The following HERC2 variants were observed in gnomAD, a reference collection of about 807,000 sequenced individuals.
HERC2 encodes E3 ubiquitin-protein ligase HERC2.
HERC2 carries 102 observed loss-of-function variants against 537.7 expected under a neutral mutation model. That is an observed-to-expected ratio of 0.19 (90% CI 0.16 to 0.22). The LOEUF (loss-of-function observed/expected upper bound fraction) is 0.22. Among genes scored for constraint, HERC2 ranks in the 10% least tolerant of loss-of-function variants. HERC2 has a pLI of 1.00. For missense variants in HERC2, 4,236 were observed against 6,198.2 expected (o/e 0.68, Z 10.63); for synonymous variants, 2,224 against 2,466.2 (o/e 0.90, Z 2.91).
intron 7 of HERC2, among the ~76,000 whole-genome samples, chr15:28,273,471 G>A (rs2075793693): frequency 6.6e-6 from 1 of 152,134 alleles, no homozygotes; most frequent in Non-Finnish European, 1.5e-5. Context: ...ACTTTTCTAT[G>A]TTACTCAATA....
intron 55 of HERC2, chr15:28,190,170 G>A (rs1235238841): frequency 2.0e-5 from 3 of 147,544 alleles, no homozygotes; most frequent in Non-Finnish European, 4.5e-5. Flanking sequence ...CACTACGCCC[G>A]GCTAATTTTT....
chr15:28,227,623 G>A (rs1452353854), intron 35 of HERC2, among the ~76,000 whole-genome samples: 1 of 152,110 alleles, frequency 6.6e-6, no homozygotes, highest in Non-Finnish European at 1.5e-5. Flanking sequence ...TGTACCATAT[G>A]ACCCTGTAAT....
chr15:28,313,923 C>T (rs989468436), intron 2 of HERC2, among the ~76,000 whole-genome samples: 1 of 152,102 alleles, frequency 6.6e-6, no homozygotes, highest in African/African-American at 2.4e-5. Context: ...AGGGCCCTCA[C>T]ACAGGAGAAA....
intron 49 of HERC2, 25 bp from the exon 50 acceptor site, chr15:28,198,528 T>C (rs544336629): frequency 6.2e-7 from 1 of 1,611,518 alleles, no homozygotes; most frequent in African/African-American, 1.3e-5. Flanking sequence ...AACAAATCAT[T>C]ATAATCAATA....
rs534196033 is a variant in HERC2, at chr15:28,173,182, G to A, written c.10057+1213C>T. Among the ~76,000 whole-genome samples the A allele has an allele frequency of 8.0e-4, 122 of 152,252 alleles. 1 individual carries two copies. Among genetic ancestry groups the A allele is most frequent in the African/African-American group, 2.7e-3 (113 of 41,550 alleles). ...ATGTAGCGATCTTAAGAAGCTAGACGTACACCTGCCATATGATCCATCCAC... is the reference window on the plus strand; with the variant it reads ...ATGTAGCGATCTTAAGAAGCTAGACATACACCTGCCATATGATCCATCCAC... On this transcript the variant is annotated intron_variant, in intron 65 of 92. Coordinates refer to ENST00000261609, the MANE Select transcript of HERC2 (RefSeq NM_004667.6).
intron 5 of HERC2, among the ~76,000 whole-genome samples, chr15:28,275,274 T>A (rs1235943070): frequency 2.0e-5 from 3 of 152,138 alleles, no homozygotes; most frequent in Admixed American, 6.5e-5. Context: ...CCTCCCAAAG[T>A]GAGATTCTAC....
Position 28,142,359 on chromosome 15 carries a change from T to C in HERC2, c.11579A>G (p.Asp3860Gly). ...LVALACDLEL[D>G]TLPCCAETHK... ...CGTCTCGGCACAGCAAGGCAGAGTG[T>C]CCAGCTCCAGGTCACAAGCAAGAGC... is the stretch of plus-strand genomic sequence containing the variant. The change falls in exon 76 of 93, where the codon GAC (aspartate) becomes GGC (glycine). Residue 3860 changes from aspartate (D) to glycine (G), a missense_variant. Asp to Gly is a moderately conservative substitution (Grantham distance 94). Around this residue, in one of 27 missense-constraint regions of HERC2, gnomAD observed 156 missense variants for 172.3 expected, o/e 0.91. Coordinates refer to ENST00000261609, the MANE Select transcript of HERC2 (RefSeq NM_004667.6). The C allele has an allele frequency of 6.2e-7, 1 of 1,613,900 alleles. No individual in the cohort carries two copies. The highest frequency in any genetic ancestry group is 8.5e-7 in the Non-Finnish European group (1 of 1,179,920).
In HERC2 at chr15:28,135,657, T is replaced by C. The variant is rs1261514859; in HGVS notation, c.12051A>G (p.Leu4017=). ...YATGYGAGGR[L]GIGGTESVST... ...ACACCGACTCTGTCCCTCCAATGCCTAGTCTGCCACCTGCACCATACCCAG... is the reference window on the plus strand; with the variant it reads ...ACACCGACTCTGTCCCTCCAATGCCCAGTCTGCCACCTGCACCATACCCAG... Residue 4017 remains leucine (L), a synonymous_variant, in exon 79 of 93, where the codon CTA becomes CTG. Coordinates refer to ENST00000261609, the MANE Select transcript of HERC2 (RefSeq NM_004667.6). 1 of 1,614,100 alleles carries C rather than the reference T, an allele frequency of 6.2e-7. No individual in the cohort carries two copies. Among genetic ancestry groups the C allele is most frequent in the South Asian group, 1.1e-5 (1 of 91,084 alleles).
Position 28,260,138 on chromosome 15 carries a change from G to A in HERC2, c.2316+639C>T, listed in dbSNP as rs139294698. On this transcript the variant is annotated intron_variant, in intron 16 of 92. Transcript: ENST00000261609. ...GCAGATCGCTAGAGCTCAGGAGTTC[G>A]AGACCAGCCTGGGCAACATAGTGAA... 3.6e-3 allele frequency among the ~76,000 whole-genome samples: 544 copies of A among 150,906 alleles called. 8 individuals are homozygous for A. The highest frequency in any genetic ancestry group is 0.026 in the South Asian group (126 of 4,756).
At chr15:28,188,270 C>T (rs1175757817) in intron 55 of HERC2, among the ~76,000 whole-genome samples, 3 of 152,124 alleles carry the variant, frequency 2.0e-5, no homozygotes, top group African/African-American at 4.8e-5. Flanking sequence ...TGGCTGGGCA[C>T]GGTGGCTCAC....
chr15:28,275,110 G>T, intron 5 of HERC2, 105 bp from the exon 6 acceptor site: 1 of 584,230 alleles, frequency 1.7e-6, no homozygotes, highest in Non-Finnish European at 3.0e-6. Flanking sequence ...CCGACCAATG[G>T]TTTTCTTCAA....
At chr15:28,274,068 G>A (rs912014937) in intron 7 of HERC2, among the ~76,000 whole-genome samples, 2 of 152,146 alleles carry the variant, frequency 1.3e-5, no homozygotes, top group African/African-American at 2.4e-5. Context: ...TCTCTCATCC[G>A]TCTCATTTAG....
chr15:28,158,641 A>G (rs1433710218), intron 69 of HERC2, among the ~76,000 whole-genome samples: 1 of 152,152 alleles, frequency 6.6e-6, no homozygotes, highest in African/African-American at 2.4e-5. Flanking sequence ...TCTGCACATG[A>G]GATGGGTTTC....
chr15:28,305,281 G>A (rs1315518971), intron 2 of HERC2, among the ~76,000 whole-genome samples: 35 of 152,114 alleles, frequency 2.3e-4, no homozygotes, highest in African/African-American at 8.4e-4. Context: ...GATCCCTGAG[G>A]AATCGCCACA....
At chr15:28,209,323 A>G (rs1898846429) in intron 44 of HERC2, among the ~76,000 whole-genome samples, 1 of 152,074 alleles carries the variant, frequency 6.6e-6, no homozygotes, top group African/African-American at 2.4e-5. Context: ...ACAACTATTT[A>G]CATATCATTT....
At chr15:28,116,973 G>T (rs371797618) in intron 87 of HERC2, 40 bp downstream of exon 87, 3 of 1,613,434 alleles carry the variant, frequency 1.9e-6, no homozygotes, top group Non-Finnish European at 2.5e-6. Context: ...GGCGACCACT[G>T]CCGGGGACAC....
rs775020288 is a variant in HERC2, at chr15:28,201,454, A to G, written c.7716+2T>C. The G allele has an allele frequency of 6.4e-7, 1 of 1,562,100 alleles. No homozygotes were observed. Among genetic ancestry groups the G allele is most frequent in the South Asian group, 1.1e-5 (1 of 89,594 alleles). On this transcript the variant is annotated splice_donor_variant, in intron 48 of 92. Transcript: ENST00000261609. LOFTEE classifies it high-confidence loss of function. ...AGGCTCCAGCTTAAGACAATTACTC[A>G]CCTGAATATTCTCTCTCACATATAC...
intron 67 of HERC2, among the ~76,000 whole-genome samples, chr15:28,168,126 C>T (rs1206848104): frequency 6.6e-6 from 1 of 152,084 alleles, no homozygotes; most frequent in Non-Finnish European, 1.5e-5. Context: ...GTTCTTTCCC[C>T]CAAAATGTTA....
At chr15:28,315,442 CG>C (rs1478283115) in intron 2 of HERC2, among the ~76,000 whole-genome samples, 1 of 152,210 alleles carries the variant, frequency 6.6e-6, no homozygotes, top group Non-Finnish European at 1.5e-5. Flanking sequence ...TCTATGGGGT[CG>C]GACAAGGTTT....
Sources: gnomAD v4.1 joint callset for allele counts (sites outside exome capture counted in the v4.1 genomes callset) on GRCh38, gnomAD v4.1.1 for gene constraint, gnomAD v4.1.1 regional missense constraint, MANE v1.5 for transcripts, NCBI Gene and HGNC (gene_info 2026-07-23, HGNC 2026-07-21) for gene names.